The following HCN1 variants were observed in gnomAD, a reference collection of about 807,000 sequenced individuals.
HCN1 encodes potassium/sodium hyperpolarization-activated cyclic nucleotide-gated channel 1.
Under a neutral mutation model 78.9 loss-of-function variants are expected in HCN1, and 13 were observed. That is an observed-to-expected ratio of 0.16 (90% CI 0.11 to 0.26). The LOEUF (loss-of-function observed/expected upper bound fraction) is 0.26, where lower values mean the gene tolerates loss of function less well. HCN1 is among the 10% of genes least tolerant of loss of function. The pLI, the probability that HCN1 is intolerant of heterozygous loss-of-function variation, is 1.00. For synonymous variants in HCN1, 552 were observed against 455.5 expected (o/e 1.21, Z -2.70); for missense variants, 810 against 1,154.3 (o/e 0.70, Z 4.32).
At chr5:45,492,952 A>G (rs528891857) in intron 2 of HCN1, among the ~76,000 whole-genome samples, 85 of 152,260 alleles carry the variant, frequency 5.6e-4, no homozygotes, top group Non-Finnish European at 9.0e-4. Flanking sequence ...CCTTCATACA[A>G]TTTAATATAA....
chr5:45,455,003 C>T (rs1258067143), intron 3 of HCN1, among the ~76,000 whole-genome samples: 1 of 152,038 alleles, frequency 6.6e-6, no homozygotes, highest in Non-Finnish European at 1.5e-5. Context: ...TTGAAGGTTC[C>T]TGATCTAAAG....
intron 2 of HCN1, among the ~76,000 whole-genome samples, chr5:45,585,533 T>A (rs1744196649): frequency 6.6e-6 from 1 of 152,212 alleles, no homozygotes; most frequent in Admixed American, 6.5e-5. Flanking sequence ...CTTATCAAAG[T>A]CATTCTCCGT....
At chr5:45,677,054 T>C (rs1480373413) in intron 1 of HCN1, among the ~76,000 whole-genome samples, 2 of 151,846 alleles carry the variant, frequency 1.3e-5, no homozygotes, top group African/African-American at 2.4e-5. Context: ...CACAGATGCC[T>C]GAAACATGTG....
intron 4 of HCN1, among the ~76,000 whole-genome samples, chr5:45,382,728 A>T (rs145361388): frequency 1.3e-5 from 2 of 152,270 alleles, no homozygotes; most frequent in Non-Finnish European, 2.9e-5. Context: ...CTATTCAAAC[A>T]AGAAGAATCA....
chr5:45,580,112 C>G (rs1744030444), intron 2 of HCN1, among the ~76,000 whole-genome samples: 1 of 152,048 alleles, frequency 6.6e-6, no homozygotes, highest in Non-Finnish European at 1.5e-5. Context: ...TGAAAGGTTC[C>G]TATGTCCTAC....
chr5:45,392,003 C>A (rs1739575508), intron 4 of HCN1, among the ~76,000 whole-genome samples: 2 of 151,992 alleles, frequency 1.3e-5, no homozygotes. Flanking sequence ...GTTGAGAGAA[C>A]AATGATCCTT....
intron 2 of HCN1, among the ~76,000 whole-genome samples, chr5:45,464,842 G>C (rs34186662): frequency 0.18 from 27,348 of 151,954 alleles, 2,992 homozygotes; most frequent in East Asian, 0.32. Context: ...GAATGAGAAG[G>C]CTACTTCCTT....
chr5:45,301,970 A>AAAC (rs1745632303), intron 6 of HCN1, among the ~76,000 whole-genome samples: 1 of 152,096 alleles, frequency 6.6e-6, no homozygotes, highest in South Asian at 2.1e-4. Flanking sequence ...TTACGAAGGC[A>AAAC]AACAACAGAG....
At chr5:45,346,140 G>A (rs1033032472) in intron 5 of HCN1, among the ~76,000 whole-genome samples, 9 of 152,158 alleles carry the variant, frequency 5.9e-5, no homozygotes, top group Non-Finnish European at 1.3e-4. Context: ...AGCAAGAACA[G>A]AGCATGTGGT....
At chr5:45,658,758 C>T (rs1460299054) in intron 1 of HCN1, among the ~76,000 whole-genome samples, 9 of 152,046 alleles carry the variant, frequency 5.9e-5, no homozygotes, top group South Asian at 4.2e-4. Context: ...GCTTAAAAAA[C>T]GGCGCACCAC....
chr5:45,356,013 A>G (rs1201051796), intron 4 of HCN1, among the ~76,000 whole-genome samples: 2 of 151,998 alleles, frequency 1.3e-5, no homozygotes, highest in Non-Finnish European at 2.9e-5. Context: ...GCAAGAATGT[A>G]TGAAAATATC....
intron 2 of HCN1, among the ~76,000 whole-genome samples, chr5:45,481,756 C>CT (rs1335999832): frequency 4.6e-5 from 7 of 150,938 alleles, no homozygotes; most frequent in African/African-American, 1.7e-4. Context: ...CTTTTGTAAT[C>CT]TTTTTCTTTT....
chr5:45,644,566 A>G (rs977507673), intron 2 of HCN1: 2 of 152,418 alleles, frequency 1.3e-5, no homozygotes, highest in African/African-American at 4.8e-5. Flanking sequence ...TTTTCTATGT[A>G]CTAATGTCCC....
At chr5:45,665,461 A>C (rs1459921260) in intron 1 of HCN1, among the ~76,000 whole-genome samples, 1 of 151,020 alleles carries the variant, frequency 6.6e-6, no homozygotes, top group Non-Finnish European at 1.5e-5. Flanking sequence ...TAATAAAATA[A>C]AAAAAAGATA....
chr5:45,629,657 G>A (rs1429317922), intron 2 of HCN1, among the ~76,000 whole-genome samples: 2 of 152,000 alleles, frequency 1.3e-5, no homozygotes, highest in Non-Finnish European at 2.9e-5. Flanking sequence ...TAAGATCTGG[G>A]TTTTATTGCT....
chr5:45,553,071 G>C (rs1470087069), intron 2 of HCN1, among the ~76,000 whole-genome samples: 3 of 151,866 alleles, frequency 2.0e-5, no homozygotes, highest in Non-Finnish European at 4.4e-5. Context: ...CCTGAACTCT[G>C]CTTATTTACC....
intron 5 of HCN1, among the ~76,000 whole-genome samples, chr5:45,342,927 T>G (rs1349546246): frequency 6.6e-6 from 1 of 152,046 alleles, no homozygotes; most frequent in Non-Finnish European, 1.5e-5. Flanking sequence ...ATAACATGGG[T>G]AGAATGGATA....
intron 6 of HCN1, among the ~76,000 whole-genome samples, chr5:45,289,441 G>C (rs977500320): frequency 6.6e-6 from 1 of 152,020 alleles, no homozygotes; most frequent in Non-Finnish European, 1.5e-5. Flanking sequence ...TTGTCTCCTA[G>C]ACTCCACAGA....
At chr5:45,647,059 A>C (rs1413817868) in intron 1 of HCN1, among the ~76,000 whole-genome samples, 1 of 152,198 alleles carries the variant, frequency 6.6e-6, no homozygotes, top group African/African-American at 2.4e-5. Context: ...AAATAAAAGT[A>C]CTAGTTGAAG....
Sources: gnomAD v4.1 joint callset for allele counts (sites outside exome capture counted in the v4.1 genomes callset) on GRCh38, gnomAD v4.1.1 for gene constraint, MANE v1.5 for transcripts, NCBI Gene and HGNC (gene_info 2026-07-23, HGNC 2026-07-21) for gene names.